Variants in GINS2 observed in about 807,000 individuals in gnomAD.
GINS2 encodes the protein GINS complex subunit 2.
GINS2 carries 23 observed loss-of-function variants against 21.2 expected under a neutral mutation model. The observed-to-expected ratio is 1.08, with a 90% CI of 0.78 to 1.53. The LOEUF (loss-of-function observed/expected upper bound fraction) is 1.53. Ranked by LOEUF, GINS2 falls within the 40% of genes most tolerant of loss-of-function variation. GINS2 has a pLI of 0.00. For synonymous variants in GINS2, 118 were observed against 85.6 expected, an observed-to-expected ratio of 1.38 and a Z score of -2.09; for missense variants, 323 against 233.9, an observed-to-expected ratio of 1.38 and a Z score of -2.49.
intron 1 of GINS2, 126 bp downstream of exon 1, chr16:85,688,683 C>T (rs2053801335): frequency 4.4e-6 from 2 of 456,372 alleles, no homozygotes; most frequent in Admixed American, 4.2e-5. Flanking sequence ...GCGAGTCAAG[C>T]GCCGAGTGGT....
Position 85,676,611 on chromosome 16 carries a change from G to A in GINS2, c.*1601C>T, listed in dbSNP as rs907017152. The stretch of plus-strand genomic sequence containing the variant: ...CTGGAGGGCAGATGCTGGGTGATAA[G>A]TCTTTAGGCTCAGCCTGTCACACAT... On this transcript the variant is annotated 3_prime_UTR_variant, in exon 5 of 5. Transcript: ENST00000253462. 6.6e-6 allele frequency: 1 copy of A among 152,270 alleles called. No homozygotes were observed. The highest frequency in any genetic ancestry group is 1.5e-5 in the Non-Finnish European group (1 of 68,070). 9.4% of individuals were successfully genotyped at this position (152,270 alleles called of 1,614,324 possible). A position where few individuals can be genotyped will look rare whatever the true frequency, so the allele number is the denominator to read the frequency against.
At position 85,688,947 on chromosome 16, in the gene GINS2, A is replaced by C. The variant is rs763795655; in HGVS notation, c.-49T>G. 21 of 1,338,420 alleles carry C rather than the reference A, an allele frequency of 1.6e-5. No homozygotes were observed. The South Asian group carries it at 2.3e-4, about 14-fold the overall frequency. 82.9% of individuals were successfully genotyped at this position (1,338,420 alleles called of 1,614,324 possible). A position where few individuals can be genotyped will look rare whatever the true frequency, so the allele number is the denominator to read the frequency against. On this transcript the variant is annotated 5_prime_UTR_variant, in exon 1 of 5. Transcript: ENST00000253462. The stretch of plus-strand genomic sequence containing the variant: ...GCCTCACGGTCTCCTCGGGCCCCTC[A>C]GCGTCCCGGAGGAGACGCCGCGGCC...
intron 3 of GINS2, among the ~76,000 whole-genome samples, 153 bp from the exon 4 acceptor site, chr16:85,678,819 T>C (rs2053708647): frequency 1.3e-5 from 2 of 152,254 alleles, no homozygotes. Context: ...TAAAGATTTG[T>C]AGCAGTTAAG....
At chr16:85,681,509 A>C (rs2053732045) in intron 3 of GINS2, 73 bp downstream of exon 3, 12 of 866,216 alleles carry the variant, frequency 1.4e-5, no homozygotes, top group Non-Finnish European at 1.9e-5. Context: ...GCGGAGAGGA[A>C]GGACGAGGGT....
chr16:85,678,737 C>G, intron 3 of GINS2, 71 bp from the exon 4 acceptor site: 1 of 1,459,112 alleles, frequency 6.9e-7, no homozygotes, highest in Non-Finnish European at 9.4e-7. Context: ...TAGAGTGGCT[C>G]TTTTCAGGCA....
At position 85,676,596 on chromosome 16, in the gene GINS2, G is replaced by C. The variant is rs1410572805; in HGVS notation, c.*1616C>G. 1 of 152,286 alleles carries C rather than the reference G, an allele frequency of 6.6e-6. No homozygotes were observed. Among genetic ancestry groups the C allele is most frequent in the Non-Finnish European group, 1.5e-5 (1 of 68,072 alleles). The allele number at this position is 152,286 out of a possible 1,614,324, so 9.4% of individuals were successfully genotyped here. On this transcript the variant is annotated 3_prime_UTR_variant, in exon 5 of 5. Transcript: ENST00000253462. The stretch of plus-strand genomic sequence containing the variant: ...GCAGCATGCTAGACACTGGAGGGCA[G>C]ATGCTGGGTGATAAGTCTTTAGGCT...
In GINS2 at chr16:85,676,312, G is replaced by A. The variant is rs142671027; in HGVS notation, c.*1900C>T. ...CCTCCACTGGCTCAGGCTCTAAGAG[G>A]AGGGCATTAGGACCCCTTGCCCTCC... On this transcript the variant is annotated 3_prime_UTR_variant, in exon 5 of 5. Coordinates refer to ENST00000253462, the MANE Select transcript of GINS2 (RefSeq NM_016095.3). 1.2e-3 allele frequency: 190 copies of A among 152,344 alleles called. No homozygotes were observed. The highest frequency in any genetic ancestry group is 4.5e-3 in the African/African-American group (187 of 41,570). The allele number at this position is 152,344 out of a possible 1,614,324, so 9.4% of individuals were successfully genotyped here.
chr16:85,682,937 A>C (rs2053746361), intron 2 of GINS2, among the ~76,000 whole-genome samples: 1 of 151,974 alleles, frequency 6.6e-6, no homozygotes, highest in African/African-American at 2.4e-5. Context: ...CACTGCCGCC[A>C]GCACCGCCTC....
At chr16:85,685,108 C>T (rs1245539796) in intron 2 of GINS2, among the ~76,000 whole-genome samples, 1 of 152,184 alleles carries the variant, frequency 6.6e-6, no homozygotes, top group African/African-American at 2.4e-5. Flanking sequence ...CAGAACTTAT[C>T]TGTGGTGCAG....
chr16:85,687,811 C>G (rs1054039179), intron 1 of GINS2: 2 of 390,190 alleles, frequency 5.1e-6, no homozygotes, highest in Non-Finnish European at 9.2e-6. Context: ...CAAGTCTCCC[C>G]TGAGTGGGTG....
chr16:85,685,183 C>T (rs2053764317), intron 2 of GINS2, among the ~76,000 whole-genome samples: 1 of 152,168 alleles, frequency 6.6e-6, no homozygotes, highest in Non-Finnish European at 1.5e-5. Flanking sequence ...TCACTGTTCC[C>T]ACAATATGGC....
chr16:85,678,620 T>C lies in GINS2; in HGVS notation c.352A>G (p.Lys118Glu). The C allele has an allele frequency of 6.2e-7, 1 of 1,613,890 alleles. No homozygotes were observed. The highest frequency in any genetic ancestry group is 8.5e-7 in the Non-Finnish European group (1 of 1,179,924). Residue 118 changes from lysine to glutamate, a missense_variant, in exon 4 of 5, where the codon AAG becomes GAG. Coordinates refer to ENST00000253462, the MANE Select transcript of GINS2 (RefSeq NM_016095.3). ...GCTATACGAGTGTCCCACATATCCT[T>C]GACCAGGGTCCGGATTTCGTCTGCC... Reference protein sequence around the residue: ...PKADEIRTLVKDMWDTRIAKL... With the variant: ...PKADEIRTLVEDMWDTRIAKL...
rs1014726674 is a variant in GINS2, at chr16:85,687,780, G to C, written c.91-206C>G. The C allele has an allele frequency of 1.3e-5, 6 of 455,640 alleles. No individual in the cohort carries two copies. The South Asian group carries it at 2.2e-4, about 16-fold the overall frequency. The allele number at this position is 455,640 out of a possible 1,614,324, so 28.2% of individuals were successfully genotyped here. A position where few individuals can be genotyped will look rare whatever the true frequency, so the allele number is the denominator to read the frequency against. ...TGCGAGCGTGGGGCTCAGTCCTTCT[G>C]GCCTTTCCGCGGACAGGATGCAAGT... On this transcript the variant is annotated intron_variant, in intron 1 of 4. Transcript: ENST00000253462.
At chr16:85,687,330 A>G in intron 2 of GINS2, 130 bp downstream of exon 2, 4 of 542,060 alleles carry the variant, frequency 7.4e-6, no homozygotes, top group Non-Finnish European at 1.3e-5. Flanking sequence ...TCAGCTGATC[A>G]GTAGATAACG....
chr16:85,687,568 G>T lies in GINS2; in HGVS notation c.97C>A (p.Leu33Met). 6.5e-7 allele frequency: 1 copy of T among 1,550,186 alleles called. No individual in the cohort carries two copies. The highest frequency in any genetic ancestry group is 8.7e-7 in the Non-Finnish European group (1 of 1,151,526). ...LDKIYLIGGD[L>M]GPFNPGLPVE... The stretch of plus-strand genomic sequence containing the variant: ...GGTAAACCAGGGTTAAAAGGCCCCA[G>T]GTCCCCCTGCCAAAAGTAAAACAAT... The change falls in exon 2 of 5, where the codon CTG becomes ATG. Residue 33 changes from leucine (L) to methionine (M), a missense_variant. Transcript: ENST00000253462.
chr16:85,681,182 G>T (rs981173748), intron 3 of GINS2, among the ~76,000 whole-genome samples: 3 of 152,264 alleles, frequency 2.0e-5, no homozygotes, highest in African/African-American at 4.8e-5. Flanking sequence ...ACTCCAAGGA[G>T]AAACAGGAGT....
intron 2 of GINS2, among the ~76,000 whole-genome samples, chr16:85,686,194 C>G (rs937053943): frequency 1.6e-4 from 24 of 152,234 alleles, no homozygotes; most frequent in African/African-American, 5.5e-4. Flanking sequence ...GTGGGTGGAT[C>G]ACGAGGTCAG....
chr16:85,682,209 C>G (rs960826362), intron 2 of GINS2, among the ~76,000 whole-genome samples: 1 of 151,854 alleles, frequency 6.6e-6, no homozygotes, highest in African/African-American at 2.4e-5. Flanking sequence ...GAGACAAGGT[C>G]TCACTATGTT....
rs140852967 is a variant in GINS2 at position 85,682,697 on chromosome 16, C to A, written c.206-1016G>T. Among the ~76,000 whole-genome samples, 642 of 152,284 alleles carry A rather than the reference C, an allele frequency of 4.2e-3. 6 individuals carry two copies. The highest frequency in any genetic ancestry group is 0.015 in the African/African-American group (615 of 41,536). On this transcript the variant is annotated intron_variant, in intron 2 of 4. Coordinates refer to ENST00000253462, the MANE Select transcript of GINS2 (RefSeq NM_016095.3). ...AGCGTCTAGAATCAAACAGCTGTATCCAATTCCACCAGCATCAGCACTGTT... is the reference window on the plus strand; with the variant it reads ...AGCGTCTAGAATCAAACAGCTGTATACAATTCCACCAGCATCAGCACTGTT...
Sources: allele counts gnomAD v4.1 joint callset (sites outside exome capture counted in the v4.1 genomes callset), GRCh38; gene constraint gnomAD v4.1.1; transcripts MANE v1.5; gene names NCBI Gene and HGNC (gene_info 2026-07-23, HGNC 2026-07-21).